Variants in WDR7 observed in about 807,000 individuals in gnomAD.
The protein encoded by WDR7 is WD repeat-containing protein 7.
In WDR7, 46 loss-of-function variants were observed where a neutral mutation model predicts 169.4. The observed-to-expected ratio is 0.27, with a 90% CI of 0.21 to 0.35. WDR7 has a LOEUF of 0.35. Ranked by LOEUF, WDR7 falls within the 10% of genes least tolerant of loss-of-function variation. The pLI is 1.00. For missense variants in WDR7, 1,534 were observed against 1,859.3 expected, an observed-to-expected ratio of 0.83 and a Z score of 3.22; for synonymous variants, 612 against 666.8, an observed-to-expected ratio of 0.92 and a Z score of 1.27.
intron 19 of WDR7, among the ~76,000 whole-genome samples, chr18:56,799,923 T>G (rs2044644739): frequency 1.3e-5 from 2 of 152,210 alleles, no homozygotes; most frequent in Non-Finnish European, 2.9e-5. Context: ...CCAGTTTATT[T>G]GCAGTGACTC....
At position 56,669,745 on chromosome 18, in the gene WDR7, C is replaced by T. The variant is rs370898585; in HGVS notation, c.-19-2752C>T. Among the ~76,000 whole-genome samples, 169 of 152,182 alleles carry T rather than the reference C, an allele frequency of 1.1e-3. 1 individual carries two copies. Among genetic ancestry groups the T allele is most frequent in the African/African-American group, 4.0e-3 (168 of 41,522 alleles). On this transcript the variant is annotated intron_variant, in intron 1 of 27. Coordinates refer to ENST00000254442, the MANE Select transcript of WDR7 (RefSeq NM_015285.3). ...ATTATTCTAGTCATTTGTTCAATCA[C>T]TTTTGCTTTTGGCACTTTCCATAAA...
chr18:57,030,268 A>C (rs1386748484), downstream of WDR7: 2 of 152,204 alleles, frequency 1.3e-5, no homozygotes, highest in Non-Finnish European at 2.9e-5. Context: ...GGTTATGTGT[A>C]AGTAGTGAAT....
rs774864520 is a variant in WDR7, at chr18:56,695,084, A to C, written c.1243A>C (p.Ile415Leu). ...EPLKVTASVY[I>L]PAHGRLVCGR... Reference sequence around the variant, plus strand: ...TCTTAAAGTAACTGCAAGTGTGTACATACCAGCACATGGACGACTTGTTTG... The same window carrying C: ...TCTTAAAGTAACTGCAAGTGTGTACCTACCAGCACATGGACGACTTGTTTG... The change falls in exon 11 of 28, where the codon ATA (isoleucine) becomes CTA (leucine). Residue 415 changes from isoleucine (I) to leucine (L), a missense_variant. Physicochemically the swap from Ile to Leu is conservative, Grantham distance 5. Coordinates refer to ENST00000254442, the MANE Select transcript of WDR7 (RefSeq NM_015285.3). 6.2e-7 allele frequency: 1 copy of C among 1,614,164 alleles called. No homozygotes were observed. The highest frequency in any genetic ancestry group is 8.5e-7 in the Non-Finnish European group (1 of 1,180,028).
At chr18:57,005,834 CT>C (rs2048049596) in intron 26 of WDR7, among the ~76,000 whole-genome samples, 1 of 152,268 alleles carries the variant, frequency 6.6e-6, no homozygotes, top group Middle Eastern at 3.4e-3. Context: ...AAAATCTCAT[CT>C]TTTAAGAAAG....
At position 56,695,129 on chromosome 18, in the gene WDR7, A is replaced by G. The variant is rs753341365; in HGVS notation, c.1288A>G (p.Ile430Val). The change falls in exon 11 of 28, where the codon ATA becomes GTA. Residue 430 changes from isoleucine to valine, a missense_variant. By Grantham distance (29) the Ile-to-Val change is conservative (BLOSUM62 3). Transcript: ENST00000254442. The stretch of plus-strand genomic sequence containing the variant: ...TGTTTGTGGTCGTGAAGATGGAAGC[A>G]TAGTTATTGTACCTGCCACACAGAC... ...RLVCGREDGS[I>V]VIVPATQTAI... The G allele has an allele frequency of 6.2e-7, 1 of 1,614,186 alleles. No individual in the cohort carries two copies. Among genetic ancestry groups the G allele is most frequent in the Non-Finnish European group, 8.5e-7 (1 of 1,180,032 alleles).
intron 9 of WDR7, 115 bp from the exon 10 acceptor site, chr18:56,694,502 CTT>C (rs1478377624): frequency 1.0e-6 from 1 of 979,760 alleles, no homozygotes. Flanking sequence ...GCTATAAACA[CTT>C]TTTCAACTTG....
At chr18:56,831,696 C>T (rs1032283460) in intron 20 of WDR7, among the ~76,000 whole-genome samples, 1 of 151,952 alleles carries the variant, frequency 6.6e-6, no homozygotes, top group Admixed American at 6.6e-5. Flanking sequence ...TGAGCAGAAG[C>T]TGGGTGAGGC....
chr18:56,717,118 T>A (rs998962066), intron 12 of WDR7, among the ~76,000 whole-genome samples: 2 of 152,224 alleles, frequency 1.3e-5, no homozygotes, highest in African/African-American at 4.8e-5. Context: ...TTCTGATGGC[T>A]GTTTTTATGT....
At chr18:56,954,391 T>C (rs527520892) in intron 25 of WDR7, among the ~76,000 whole-genome samples, 3 of 152,258 alleles carry the variant, frequency 2.0e-5, no homozygotes, top group African/African-American at 7.2e-5. Flanking sequence ...ATTAAAAAGA[T>C]TGAGGTAAGC....
At position 56,694,215 on chromosome 18, in the gene WDR7, G is replaced by C. The variant is rs546390753; in HGVS notation, c.967-404G>C. Among the ~76,000 whole-genome samples, 11 of 152,320 alleles carry C rather than the reference G, an allele frequency of 7.2e-5. No homozygotes were observed. The South Asian group carries it at 1.2e-3, about 17-fold the overall frequency. ...GGAGTGGGCAAAAAAAGCAGGAATA[G>C]TGAGTTCTCTCATCTTGACCTTTTA... On this transcript the variant is annotated intron_variant, in intron 9 of 27. Transcript: ENST00000254442.
chr18:56,914,060 G>A (rs2046589469), intron 21 of WDR7, among the ~76,000 whole-genome samples: 1 of 152,114 alleles, frequency 6.6e-6, no homozygotes, highest in Non-Finnish European at 1.5e-5. Flanking sequence ...AAAAGGCCCA[G>A]CATGATCCAT....
At position 56,659,013 on chromosome 18, in the gene WDR7, G is replaced by C. The variant is rs1394998740; in HGVS notation, c.-20+7437G>C. The stretch of plus-strand genomic sequence containing the variant: ...TTATAGGCTTGAGCCACCGCGCCCG[G>C]CCCCCTGTACTTACTTTTAAGAAAC... On this transcript the variant is annotated intron_variant, in intron 1 of 27. Transcript: ENST00000254442. Among the ~76,000 whole-genome samples, 3 of 152,192 alleles carry C rather than the reference G, an allele frequency of 2.0e-5. No individual in the cohort carries two copies. In the East Asian group the frequency reaches 5.8e-4, roughly 29 times the overall value.
At chr18:56,823,167 C>T (rs1259724655) in intron 20 of WDR7, among the ~76,000 whole-genome samples, 1 of 152,190 alleles carries the variant, frequency 6.6e-6, no homozygotes, top group Admixed American at 6.5e-5. Context: ...GTAACTACCA[C>T]TTGTATGTTA....
At chr18:57,021,013 G>C (rs576663717) in intron 27 of WDR7, among the ~76,000 whole-genome samples, 164 bp downstream of exon 27, 2 of 152,330 alleles carry the variant, frequency 1.3e-5, no homozygotes, top group East Asian at 3.9e-4. Context: ...CCAGGCACTA[G>C]CATGCAGGGT....
At chr18:56,940,467 T>C (rs1191504338) in intron 25 of WDR7, among the ~76,000 whole-genome samples, 1 of 152,230 alleles carries the variant, frequency 6.6e-6, no homozygotes, top group Non-Finnish European at 1.5e-5. Context: ...AAAATTATAC[T>C]GTAGCATACC....
chr18:56,869,682 T>C (rs1271659388), intron 20 of WDR7, among the ~76,000 whole-genome samples: 1 of 152,182 alleles, frequency 6.6e-6, no homozygotes, highest in Non-Finnish European at 1.5e-5. Flanking sequence ...TTTAATCAGT[T>C]CATTTTCTTG....
chr18:56,812,130 C>T (rs1220219859), intron 19 of WDR7, among the ~76,000 whole-genome samples: 1 of 152,040 alleles, frequency 6.6e-6, no homozygotes, highest in Non-Finnish European at 1.5e-5. Context: ...GTTTAGATCT[C>T]CTTTGATTTC....
chr18:56,752,842 A>G (rs1308485625), intron 14 of WDR7, among the ~76,000 whole-genome samples: 1 of 152,226 alleles, frequency 6.6e-6, no homozygotes, highest in East Asian at 1.9e-4. Context: ...CAGGATGAGT[A>G]GAAGTATGTA....
Position 56,988,645 on chromosome 18 carries a change from G to A in WDR7, c.4164+26116G>A, listed in dbSNP as rs180835040. On this transcript the variant is annotated intron_variant, in intron 26 of 27. Coordinates refer to ENST00000254442, the MANE Select transcript of WDR7 (RefSeq NM_015285.3). ...TGTGTGTGTGTGTGTGTATAGAGTC[G>A]TCGCAATTTTGCAGCAGTTAATAGA... is the stretch of plus-strand genomic sequence containing the variant. 1.2e-4 allele frequency among the ~76,000 whole-genome samples: 17 copies of A among 142,324 alleles called. No homozygotes were observed. The East Asian group carries it at 3.2e-3, about 27-fold the overall frequency. The allele number at this position is 142,324 out of a possible 152,430, so 93.4% of individuals were successfully genotyped here.
Sources: allele counts gnomAD v4.1 joint callset (sites outside exome capture counted in the v4.1 genomes callset), GRCh38; gene constraint gnomAD v4.1.1; transcripts MANE v1.5; gene names NCBI Gene and HGNC (gene_info 2026-07-23, HGNC 2026-07-21).